Variants in OR6A2 observed in about 807,000 individuals in gnomAD.
OR6A2 encodes olfactory receptor 6A2.
In OR6A2, 6 loss-of-function variants were observed where a neutral mutation model predicts 7.1. The observed-to-expected ratio is 0.85, with a 90% CI of 0.46 to 1.68. The LOEUF (loss-of-function observed/expected upper bound fraction) is 1.68. OR6A2 is among the 40% of genes most tolerant of loss of function. The pLI is 0.01. For missense variants in OR6A2, 431 were observed against 398.0 expected (o/e 1.08, Z -0.71); for synonymous variants, 162 against 152.1 (o/e 1.06, Z -0.48).
rs551557890 is a variant in OR6A2 at position 6,793,007 on chromosome 11, A to T, written c.*1718T>A. On this transcript the variant is annotated 3_prime_UTR_variant, in exon 2 of 2. Transcript: ENST00000641196. ...AAGAAAAGCACAATGAAGAAATTCA[A>T]CATTATGCTTTTACTTCCTATTAAC... is the stretch of plus-strand genomic sequence containing the variant. 3.1e-4 allele frequency: 47 copies of T among 152,346 alleles called. No individual in the cohort carries two copies. The highest frequency in any genetic ancestry group is 9.6e-4 in the African/African-American group (40 of 41,594). 9.4% of individuals were successfully genotyped at this position (152,346 alleles called of 1,614,324 possible).
chr11:6,796,943 A>C (rs996317003), intron 1 of OR6A2, among the ~76,000 whole-genome samples: 1 of 152,138 alleles, frequency 6.6e-6, no homozygotes, highest in African/African-American at 2.4e-5. Flanking sequence ...TCTGGGTGCG[A>C]TTTCTTCTCA....
At position 6,791,775 on chromosome 11, in the gene OR6A2, T is replaced by C. The variant is rs570238054; in HGVS notation, c.*2950A>G. 7 of 152,344 alleles carry C rather than the reference T, an allele frequency of 4.6e-5. No homozygotes were observed. The East Asian group carries it at 7.7e-4, about 17-fold the overall frequency. 9.4% of individuals were successfully genotyped at this position (152,344 alleles called of 1,614,324 possible). ...CGTGTTTCTTTTTAAAATAAACTTC[T>C]AAATTTTGGAACAATATTAGGCTTA... On this transcript the variant is annotated 3_prime_UTR_variant, in exon 2 of 2. Coordinates refer to ENST00000641196, the MANE Select transcript of OR6A2 (RefSeq NM_003696.3).
intron 1 of OR6A2, among the ~76,000 whole-genome samples, chr11:6,796,835 G>A (rs1847753260): frequency 6.6e-6 from 1 of 152,160 alleles, no homozygotes; most frequent in Non-Finnish European, 1.5e-5. Context: ...GAGTTGATAT[G>A]AAGGAAGGGT....
Position 6,792,718 on chromosome 11 carries a change from T to C in OR6A2, c.*2007A>G, listed in dbSNP as rs1847701723. ...AAAAATCAGTTACATAAATGGAGGA[T>C]GGGGGATACTTAATCTGATAATCAA... On this transcript the variant is annotated 3_prime_UTR_variant, in exon 2 of 2. Transcript: ENST00000641196. 1 of 152,132 alleles carries C rather than the reference T, an allele frequency of 6.6e-6. No individual in the cohort carries two copies. Among genetic ancestry groups the C allele is most frequent in the African/African-American group, 2.4e-5 (1 of 41,428 alleles). The allele number at this position is 152,132 out of a possible 1,614,324, so 9.4% of individuals were successfully genotyped here.
chr11:6,794,845 T>C lies in OR6A2; in HGVS notation c.864A>G (p.Pro288=). 1 of 1,614,108 alleles carries C rather than the reference T, an allele frequency of 6.2e-7. No individual in the cohort carries two copies. The highest frequency in any genetic ancestry group is 2.2e-5 in the East Asian group (1 of 44,880). ...GGCAGTAAATGATGGGATTGAGCAA[T>C]GGTACAATGACAGCATACAGTACAG... ...LVSVLYAVIV[P]LLNPIIYCLR... is the part of the protein sequence containing the mutation. Residue 288 remains proline (P), a synonymous_variant, in exon 2 of 2, where the codon CCA becomes CCG. Transcript: ENST00000641196.
rs775810271 is a variant in OR6A2, at chr11:6,795,577, TGTGTTCTC to T, written c.124_131del (p.Glu42ThrfsTer7). 1 of 1,613,934 alleles carries T rather than the reference TGTGTTCTC, an allele frequency of 6.2e-7. No individual in the cohort carries two copies. The highest frequency in any genetic ancestry group is 1.1e-5 in the South Asian group (1 of 91,052). On this transcript the variant is annotated frameshift_variant, in exon 2 of 2. Coordinates refer to ENST00000641196, the MANE Select transcript of OR6A2 (RefSeq NM_003696.3). LOFTEE classifies it high-confidence loss of function. ...GGTTCCTAATTGCCATAATGATGAG[TGTGTTCTC>T]AGTCAGCACCAACACATAGGCCAGC... is the stretch of plus-strand genomic sequence containing the variant.
rs952398813 is a variant in OR6A2 at position 6,792,933 on chromosome 11, C to A, written c.*1792G>T. ...GAGGAATACTGTGCTAAACCCTATT[C>A]CAATACTTGAAATCAGAATTAGAGG... On this transcript the variant is annotated 3_prime_UTR_variant, in exon 2 of 2. Transcript: ENST00000641196. 6.6e-6 allele frequency: 1 copy of A among 152,076 alleles called. No individual in the cohort carries two copies. Among genetic ancestry groups the A allele is most frequent in the Non-Finnish European group, 1.5e-5 (1 of 68,000 alleles). 9.4% of individuals were successfully genotyped at this position (152,076 alleles called of 1,614,324 possible).
intron 1 of OR6A2, among the ~76,000 whole-genome samples, chr11:6,797,682 C>T (rs1459577393): frequency 6.6e-6 from 1 of 152,210 alleles, no homozygotes; most frequent in Admixed American, 6.5e-5. Context: ...CTCCTTAAAA[C>T]TTGTCCATAG....
In OR6A2 at chr11:6,794,990, T is replaced by A. The variant is rs781378635; in HGVS notation, c.719A>T (p.Tyr240Phe). Residue 240 changes from tyrosine to phenylalanine, a missense_variant, in exon 2 of 2, where the codon TAT becomes TTT. Coordinates refer to ENST00000641196, the MANE Select transcript of OR6A2 (RefSeq NM_003696.3). ...AGAGGCACAGGTGGAAAAGGCCTTA[T>A]AGCGTCCAGCAGCCGAAGGAATGTG... Reference protein sequence around the residue: ...VMHIPSAAGRYKAFSTCASHL... With the variant: ...VMHIPSAAGRFKAFSTCASHL... 1 of 1,614,072 alleles carries A rather than the reference T, an allele frequency of 6.2e-7. No individual in the cohort carries two copies. Among genetic ancestry groups the A allele is most frequent in the Middle Eastern group, 1.6e-4 (1 of 6,062 alleles).
chr11:6,798,261 C>T (rs1847767192), intron 1 of OR6A2, among the ~76,000 whole-genome samples: 1 of 152,170 alleles, frequency 6.6e-6, no homozygotes, highest in Admixed American at 6.5e-5. Flanking sequence ...TTCATACAGT[C>T]GCCTATGCAA....
At position 6,793,328 on chromosome 11, in the gene OR6A2, T is replaced by C. The variant is rs2659884; in HGVS notation, c.*1397A>G. ...CTTTTGTAAATTTTATTAAGTAACA[T>C]ACAGCAATAAAGTTAGATCCCACAT... is the stretch of plus-strand genomic sequence containing the variant. On this transcript the variant is annotated 3_prime_UTR_variant, in exon 2 of 2. Transcript: ENST00000641196. The C allele has an allele frequency of 6.6e-6, 1 of 151,954 alleles. No homozygotes were observed. The highest frequency in any genetic ancestry group is 2.4e-5 in the African/African-American group (1 of 41,388). 9.4% of individuals were successfully genotyped at this position (151,954 alleles called of 1,614,324 possible). A position where few individuals can be genotyped will look rare whatever the true frequency, so the allele number is the denominator to read the frequency against.
chr11:6,795,089 A>G lies in OR6A2; in HGVS notation c.620T>C (p.Leu207Pro), dbSNP rs772936537. Residue 207 changes from leucine (L) to proline (P), a missense_variant, in exon 2 of 2, where the codon CTG becomes CCG. By Grantham distance (98) the Leu-to-Pro change is moderately conservative (BLOSUM62 -3). Transcript: ENST00000641196. ...TGGCCCTAGAAGAATAAAAATGGCC[A>G]GGATGAAATCTGTAAGCTCTGCTGT... ...MSTAELTDFILAIFILLGPLS... is the reference protein window; with the variant it reads ...MSTAELTDFIPAIFILLGPLS... The G allele has an allele frequency of 1.2e-6, 2 of 1,614,042 alleles. No individual in the cohort carries two copies. Among genetic ancestry groups the G allele is most frequent in the African/African-American group, 2.7e-5 (2 of 74,934 alleles).
chr11:6,795,881 T>A lies in OR6A2; in HGVS notation c.-173A>T, dbSNP rs1324526309. ...ACTGCTCTCTTCTTTAATCTGGAAA[T>A]GAGCTAAGGCAAACATACAAAAATA... On this transcript the variant is annotated 5_prime_UTR_variant, in exon 2 of 2. Coordinates refer to ENST00000641196, the MANE Select transcript of OR6A2 (RefSeq NM_003696.3). 8.3e-6 allele frequency: 5 copies of A among 600,670 alleles called. No individual in the cohort carries two copies. Among genetic ancestry groups the A allele is most frequent in the African/African-American group, 1.9e-5 (1 of 53,758 alleles). The allele number at this position is 600,670 out of a possible 1,614,324, so 37.2% of individuals were successfully genotyped here.
intron 1 of OR6A2, among the ~76,000 whole-genome samples, chr11:6,797,699 T>G (rs1265492011): frequency 6.6e-6 from 1 of 152,224 alleles, no homozygotes; most frequent in Non-Finnish European, 1.5e-5. Flanking sequence ...ATAGTCCCTT[T>G]GTGTACACAA....
At position 6,794,905 on chromosome 11, in the gene OR6A2, C is replaced by T. The variant is rs765034586; in HGVS notation, c.804G>A (p.Lys268=). 1 of 1,614,066 alleles carries T rather than the reference C, an allele frequency of 6.2e-7. No individual in the cohort carries two copies. The highest frequency in any genetic ancestry group is 8.5e-7 in the Non-Finnish European group (1 of 1,179,986). The stretch of plus-strand genomic sequence containing the variant: ...TGTTGGTGTCAAAAGCTGAGAGTGC[C>T]TTTGGCCGAGCATAGATGAAGATAC... ...AASIFIYARP[K]ALSAFDTNKL... is the part of the protein sequence containing the mutation. Residue 268 remains lysine (K), a synonymous_variant, in exon 2 of 2, where the codon AAG becomes AAA. Coordinates refer to ENST00000641196, the MANE Select transcript of OR6A2 (RefSeq NM_003696.3).
rs568521086 is a variant in OR6A2 at position 6,798,530 on chromosome 11, C to T, written c.-177+1014G>A. 8.5e-5 allele frequency among the ~76,000 whole-genome samples: 13 copies of T among 152,324 alleles called. No individual in the cohort carries two copies. The South Asian group carries it at 1.2e-3, about 15-fold the overall frequency. On this transcript the variant is annotated intron_variant, in intron 1 of 1. Transcript: ENST00000641196. ...CCTGTACCCTCATCAATATAACTCC[C>T]ACTTGTTTTCAGAGTCATATTTCTG...
Position 6,792,081 on chromosome 11 carries a change from A to C in OR6A2, c.*2644T>G, listed in dbSNP as rs1382682198. The C allele has an allele frequency of 6.6e-6, 1 of 152,116 alleles. No homozygotes were observed. The highest frequency in any genetic ancestry group is 1.9e-4 in the East Asian group (1 of 5,200). 9.4% of individuals were successfully genotyped at this position (152,116 alleles called of 1,614,324 possible). A position where few individuals can be genotyped will look rare whatever the true frequency, so the allele number is the denominator to read the frequency against. ...TTTGATCTGATATTTCTCAGTCTTTACTTGTTCATAACTGTAAGGGTTTTT... is the reference window on the plus strand; with the variant it reads ...TTTGATCTGATATTTCTCAGTCTTTCCTTGTTCATAACTGTAAGGGTTTTT... On this transcript the variant is annotated 3_prime_UTR_variant, in exon 2 of 2. Transcript: ENST00000641196.
rs748407839 is a variant in OR6A2 at position 6,795,742 on chromosome 11, G to A, written c.-34C>T. On this transcript the variant is annotated 5_prime_UTR_variant, in exon 2 of 2. Coordinates refer to ENST00000641196, the MANE Select transcript of OR6A2 (RefSeq NM_003696.3). ...TCTCTCTTACTGCTCTTCAGGAGAT[G>A]AGAGTAGAGAGTCTTCAGTAGGCCA... 2 of 1,599,394 alleles carry A rather than the reference G, an allele frequency of 1.3e-6. No homozygotes were observed. The highest frequency in any genetic ancestry group is 4.5e-5 in the East Asian group (2 of 44,742).
chr11:6,799,491 T>C (rs1180223412), intron 1 of OR6A2, 53 bp downstream of exon 1: 1 of 152,108 alleles, frequency 6.6e-6, no homozygotes, highest in African/African-American at 2.4e-5. Flanking sequence ...TAAAGAAAAC[T>C]TGGGATAATT....
Sources: gnomAD v4.1 joint callset for allele counts (sites outside exome capture counted in the v4.1 genomes callset) on GRCh38, gnomAD v4.1.1 for gene constraint, MANE v1.5 for transcripts, NCBI Gene and HGNC (gene_info 2026-07-23, HGNC 2026-07-21) for gene names.